Variants in KCNQ5 observed in about 807,000 individuals in gnomAD.
The protein encoded by KCNQ5 is potassium voltage-gated channel subfamily KQT member 5.
A neutral mutation model predicts 98.2 loss-of-function variants in KCNQ5; 30 were observed. The observed-to-expected ratio is 0.31, with a 90% CI of 0.23 to 0.41. KCNQ5 has a LOEUF of 0.41. KCNQ5 is among the 10% of genes least tolerant of loss of function. KCNQ5 has a pLI of 1.00. For synonymous variants in KCNQ5, 458 were observed against 449.4 expected (o/e 1.02, Z -0.24); for missense variants, 835 against 1,182.5 (o/e 0.71, Z 4.31).
chr6:73,081,881 T>C (rs956986023), intron 5 of KCNQ5, among the ~76,000 whole-genome samples: 1 of 152,160 alleles, frequency 6.6e-6, no homozygotes, highest in Admixed American at 6.5e-5. Context: ...TGTTTTTCAG[T>C]ATTATTTCTG....
intron 3 of KCNQ5, among the ~76,000 whole-genome samples, chr6:73,050,299 GAA>G (rs1290960293): frequency 5.9e-5 from 8 of 134,612 alleles, no homozygotes; most frequent in African/African-American, 2.2e-4. Flanking sequence ...AGGAAGGAAG[GAA>G]GGAAGGAAGG....
intron 5 of KCNQ5, among the ~76,000 whole-genome samples, chr6:73,085,961 T>C (rs1026753032): frequency 5.3e-5 from 8 of 152,194 alleles, no homozygotes; most frequent in African/African-American, 1.9e-4. Flanking sequence ...GTAAAAGGAT[T>C]AAGCTATTTT....
At chr6:73,011,289 A>C (rs1770052761) in intron 2 of KCNQ5, among the ~76,000 whole-genome samples, 1 of 152,236 alleles carries the variant, frequency 6.6e-6, no homozygotes, top group African/African-American at 2.4e-5. Flanking sequence ...TATAGGCATA[A>C]AGACCAACAT....
At chr6:72,967,235 A>G (rs986867871) in intron 1 of KCNQ5, among the ~76,000 whole-genome samples, 2 of 152,200 alleles carry the variant, frequency 1.3e-5, no homozygotes, top group Non-Finnish European at 2.9e-5. Flanking sequence ...CATTTCTTGC[A>G]CTATAAAAAT....
intron 2 of KCNQ5, among the ~76,000 whole-genome samples, chr6:73,034,752 T>A (rs1052017419): frequency 2.6e-5 from 4 of 152,110 alleles, no homozygotes; most frequent in Non-Finnish European, 4.4e-5. Flanking sequence ...GCTTCTTTAA[T>A]GCCTGGAAAA....
intron 1 of KCNQ5, among the ~76,000 whole-genome samples, chr6:72,757,277 C>A (rs1772019467): frequency 6.6e-6 from 1 of 152,074 alleles, no homozygotes; most frequent in African/African-American, 2.4e-5. Flanking sequence ...CCAGCTAAGG[C>A]AAGGCACCCC....
chr6:72,999,823 A>G (rs541370942), intron 1 of KCNQ5, among the ~76,000 whole-genome samples: 2 of 152,228 alleles, frequency 1.3e-5, no homozygotes, highest in African/African-American at 4.8e-5. Context: ...AGCAAAATCA[A>G]TATTCAAGAT....
intron 1 of KCNQ5, among the ~76,000 whole-genome samples, chr6:72,863,342 G>A (rs973204915): frequency 2.0e-5 from 3 of 152,296 alleles, no homozygotes; most frequent in Admixed American, 6.5e-5. Flanking sequence ...TTCTCAGAAG[G>A]CAAGATGTCC....
rs187349990 is a variant in KCNQ5 at position 72,843,708 on chromosome 6, G to T, written c.399-160200G>T. ...CCCATTACTGGGTATATACCCAAAG[G>T]ATTATAAATCATTCTACTATAAAGA... On this transcript the variant is annotated intron_variant, in intron 1 of 13. Coordinates refer to ENST00000370398, the MANE Select transcript of KCNQ5 (RefSeq NM_019842.4). 9.5e-4 allele frequency among the ~76,000 whole-genome samples: 145 copies of T among 152,220 alleles called. 2 individuals are homozygous for T. Among genetic ancestry groups the T allele is most frequent in the Non-Finnish European group, 1.7e-3 (119 of 68,012 alleles).
At chr6:72,760,388 G>A (rs9293910) in intron 1 of KCNQ5, among the ~76,000 whole-genome samples, 19,550 of 151,852 alleles carry the variant, frequency 0.13, 1,377 homozygotes, top group South Asian at 0.17. Context: ...CAGTGGCTTG[G>A]CTTTTGATTT....
At chr6:72,641,595 T>A (rs2098927213) in intron 1 of KCNQ5, among the ~76,000 whole-genome samples, 1 of 151,466 alleles carries the variant, frequency 6.6e-6, no homozygotes, top group Admixed American at 6.6e-5. Flanking sequence ...CACACTATTT[T>A]GTGTGTGTGT....
intron 1 of KCNQ5, among the ~76,000 whole-genome samples, chr6:72,900,507 A>G (rs1310883369): frequency 6.8e-6 from 1 of 148,088 alleles, no homozygotes; most frequent in African/African-American, 2.5e-5. Flanking sequence ...TCCATCATAT[A>G]TATATATATT....
intron 10 of KCNQ5, among the ~76,000 whole-genome samples, chr6:73,165,828 C>T (rs1777771906): frequency 6.6e-6 from 1 of 151,914 alleles, no homozygotes; most frequent in South Asian, 2.1e-4. Context: ...ACCTATAATC[C>T]CAGCTACTCG....
intron 1 of KCNQ5, among the ~76,000 whole-genome samples, chr6:72,807,310 T>A (rs112136074): frequency 2.3e-4 from 35 of 152,316 alleles, no homozygotes; most frequent in African/African-American, 8.2e-4. Flanking sequence ...TAGTATTTAT[T>A]ATGAAAATAA....
chr6:72,662,714 T>G (rs1766592194), intron 1 of KCNQ5, among the ~76,000 whole-genome samples: 1 of 152,170 alleles, frequency 6.6e-6, no homozygotes, highest in Non-Finnish European at 1.5e-5. Flanking sequence ...TAAATCACTG[T>G]TCATCTTTTT....
At chr6:72,640,433 A>G (rs961647388) in intron 1 of KCNQ5, among the ~76,000 whole-genome samples, 9 of 152,048 alleles carry the variant, frequency 5.9e-5, no homozygotes, top group African/African-American at 2.2e-4. Context: ...GTGAAAAAAC[A>G]TGTGTTCAAC....
chr6:72,716,642 T>C lies in KCNQ5; in HGVS notation c.398+94055T>C, dbSNP rs1000326526. Among the ~76,000 whole-genome samples the C allele has an allele frequency of 3.3e-5, 5 of 152,196 alleles. No individual in the cohort carries two copies. In the East Asian group the frequency reaches 7.7e-4, roughly 23 times the overall value. ...CAGGTAAGACTGGTTTAGTGACATA[T>C]GGCCATATATAGTAGGTGTTTAATT... On this transcript the variant is annotated intron_variant, in intron 1 of 13. Transcript: ENST00000370398.
intron 1 of KCNQ5, among the ~76,000 whole-genome samples, chr6:72,779,410 G>A (rs958231205): frequency 5.9e-5 from 9 of 152,204 alleles, no homozygotes; most frequent in Non-Finnish European, 7.3e-5. Context: ...ATGTGTGTAT[G>A]TCTCTCAGAG....
rs145386609 is a variant in KCNQ5 at position 72,787,366 on chromosome 6, A to G, written c.398+164779A>G. ...GTTGAATAGTTACAACAGAGACCATATGGCCCACAAAGCCTAAAATATTTA... is the reference window on the plus strand; with the variant it reads ...GTTGAATAGTTACAACAGAGACCATGTGGCCCACAAAGCCTAAAATATTTA... On this transcript the variant is annotated intron_variant, in intron 1 of 13. Transcript: ENST00000370398. 3.6e-3 allele frequency among the ~76,000 whole-genome samples: 549 copies of G among 152,308 alleles called. 5 individuals are homozygous for G. Among genetic ancestry groups the G allele is most frequent in the African/African-American group, 0.013 (524 of 41,578 alleles).
Sources: gnomAD v4.1 joint callset for allele counts (sites outside exome capture counted in the v4.1 genomes callset) on GRCh38, gnomAD v4.1.1 for gene constraint, MANE v1.5 for transcripts, NCBI Gene and HGNC (gene_info 2026-07-23, HGNC 2026-07-21) for gene names.